Variants in ESRRG observed in about 807,000 individuals in gnomAD.
ESRRG encodes estrogen related receptor gamma.
ESRRG carries 13 observed loss-of-function variants against 44.0 expected under a neutral mutation model. The ratio of observed to expected loss-of-function variants is 0.30; its 90% CI spans 0.19 to 0.47. The LOEUF is 0.47. Among genes scored for constraint, ESRRG ranks in the 20% least tolerant of loss-of-function variants. The probability of loss-of-function intolerance (pLI) is 1.00; values close to 1 mark genes in which losing one functional copy is unlikely to be tolerated. For synonymous variants in ESRRG, 215 were observed against 214.6 expected, an observed-to-expected ratio of 1.00 and a Z score of -0.02; for missense variants, 395 against 580.6, an observed-to-expected ratio of 0.68 and a Z score of 3.29.
chr1:216,887,174 T>G (rs1254233789), intron 2 of ESRRG, among the ~76,000 whole-genome samples: 1 of 152,150 alleles, frequency 6.6e-6, no homozygotes, highest in Admixed American at 6.5e-5. Flanking sequence ...GCATACAGAG[T>G]AGAGTTTCCA....
chr1:216,958,040 C>T (rs2068302495), intron 1 of ESRRG, among the ~76,000 whole-genome samples: 1 of 17,792 alleles, frequency 5.6e-5, no homozygotes, highest in Non-Finnish European at 4.7e-4. Context: ...TAGTACGCAC[C>T]ACCATGTGTC....
At chr1:217,110,857 T>C (rs2092653877) in intron 1 of ESRRG, among the ~76,000 whole-genome samples, 1 of 152,196 alleles carries the variant, frequency 6.6e-6, no homozygotes, top group African/African-American at 2.4e-5. Flanking sequence ...CTTATTATAT[T>C]GCTGACCATA....
At chr1:216,895,082 CTT>C (rs1303160932) in intron 2 of ESRRG, among the ~76,000 whole-genome samples, 2 of 152,052 alleles carry the variant, frequency 1.3e-5, no homozygotes, top group Non-Finnish European at 2.9e-5. Flanking sequence ...CAGAAATATG[CTT>C]TTTTCTTTTT....
chr1:216,745,140 C>A (rs1318651239), intron 2 of ESRRG, among the ~76,000 whole-genome samples: 2 of 151,632 alleles, frequency 1.3e-5, no homozygotes, highest in Non-Finnish European at 2.9e-5. Context: ...TGTCTTTCAT[C>A]CTTTTTTTGT....
intron 1 of ESRRG, among the ~76,000 whole-genome samples, chr1:216,959,213 A>ATTCTAGAACAAGTTTTTAACGC (rs1191357833): frequency 6.6e-6 from 1 of 152,048 alleles, no homozygotes; most frequent in East Asian, 1.9e-4. Context: ...TGATTCCCAG[A>ATTCTAGAACAAGTTTTTAACGC]TCCTAGAACA....
intron 1 of ESRRG, among the ~76,000 whole-genome samples, chr1:217,027,828 C>T (rs910139123): frequency 1.3e-5 from 2 of 152,096 alleles, no homozygotes; most frequent in Admixed American, 6.5e-5. Context: ...TGCAGGACAA[C>T]ACTTGACCTT....
rs535591977 is a variant in ESRRG, at chr1:217,101,869, C to T, written c.-230+35798G>A. ...TTGCCCAGGCTGAAGGGCAATGATGCGATCTTGGCTCACCGCAACCTCTGC... is the reference window on the plus strand; with the variant it reads ...TTGCCCAGGCTGAAGGGCAATGATGTGATCTTGGCTCACCGCAACCTCTGC... On this transcript the variant is annotated intron_variant, in intron 1 of 8. Coordinates refer to the ESRRG transcript ENST00000366940. 1.8e-4 allele frequency among the ~76,000 whole-genome samples: 28 copies of T among 152,174 alleles called. 1 individual carries two copies. In the South Asian group the frequency reaches 4.6e-3, roughly 25 times the overall value.
At chr1:216,812,774 T>C (rs2095016136) in intron 2 of ESRRG, among the ~76,000 whole-genome samples, 1 of 152,184 alleles carries the variant, frequency 6.6e-6, no homozygotes, top group Admixed American at 6.5e-5. Flanking sequence ...ATATCCTTAC[T>C]GATGGTATAG....
At chr1:216,939,751 G>T (rs960911992) in intron 1 of ESRRG, 2 of 150,132 alleles carry the variant, frequency 1.3e-5, no homozygotes, top group Non-Finnish European at 1.5e-5. Flanking sequence ...CAATTTTCTC[G>T]GCCGCTGCAT....
At chr1:216,775,685 G>A (rs2093586002) in intron 2 of ESRRG, among the ~76,000 whole-genome samples, 1 of 148,256 alleles carries the variant, frequency 6.7e-6, no homozygotes, top group Non-Finnish European at 1.5e-5. Context: ...CCAAGTGGCT[G>A]GGACTATAGG....
At chr1:216,851,315 G>A (rs911635674) in intron 2 of ESRRG, among the ~76,000 whole-genome samples, 4 of 151,902 alleles carry the variant, frequency 2.6e-5, no homozygotes, top group Admixed American at 6.6e-5. Context: ...TTCTTGTTTC[G>A]GCATCTAAGT....
At chr1:217,104,847 C>G (rs1247467159) in intron 1 of ESRRG, among the ~76,000 whole-genome samples, 1 of 152,162 alleles carries the variant, frequency 6.6e-6, no homozygotes, top group African/African-American at 2.4e-5. Context: ...TTGATAAACT[C>G]TATGGTTTCA....
At chr1:216,731,762 C>T (rs1575862961) in intron 2 of ESRRG, among the ~76,000 whole-genome samples, 1 of 152,332 alleles carries the variant, frequency 6.6e-6, no homozygotes, top group East Asian at 1.9e-4. Flanking sequence ...GAGGCCTGTA[C>T]TCAGGACATT....
At chr1:216,700,812 G>A (rs1237290683) in intron 1 of ESRRG, among the ~76,000 whole-genome samples, 7 of 152,114 alleles carry the variant, frequency 4.6e-5, no homozygotes, top group South Asian at 2.1e-4. Flanking sequence ...TTTCATAGTC[G>A]TATTCTTACC....
chr1:217,123,248 A>G (rs2092845548), intron 1 of ESRRG, among the ~76,000 whole-genome samples: 1 of 152,148 alleles, frequency 6.6e-6, no homozygotes, highest in South Asian at 2.1e-4. Flanking sequence ...TATCATGCCT[A>G]AGGGGTCCTA....
chr1:216,930,463 T>G (rs1426386968), intron 2 of ESRRG, among the ~76,000 whole-genome samples: 1 of 152,176 alleles, frequency 6.6e-6, no homozygotes, highest in African/African-American at 2.4e-5. Context: ...TACATTCTAT[T>G]TATTCTGTGG....
At chr1:216,747,871 A>G (rs1245018168) in intron 2 of ESRRG, among the ~76,000 whole-genome samples, 2 of 152,214 alleles carry the variant, frequency 1.3e-5, no homozygotes, top group African/African-American at 4.8e-5. Flanking sequence ...AATAAAATCC[A>G]GTAGGTTTCC....
chr1:217,122,163 A>T (rs993668115), intron 1 of ESRRG, among the ~76,000 whole-genome samples: 1 of 152,200 alleles, frequency 6.6e-6, no homozygotes, highest in Non-Finnish European at 1.5e-5. Context: ...TTGGAGTTCC[A>T]TTTTTAAGGG....
chr1:216,562,555 T>C (rs565783498), intron 5 of ESRRG, among the ~76,000 whole-genome samples: 10 of 152,052 alleles, frequency 6.6e-5, no homozygotes, highest in African/African-American at 9.7e-5. Flanking sequence ...GACAGTTTTG[T>C]TTCTCACAAT....
Sources: allele counts gnomAD v4.1 joint callset (sites outside exome capture counted in the v4.1 genomes callset), GRCh38; gene constraint gnomAD v4.1.1; transcripts MANE v1.5; gene names NCBI Gene and HGNC (gene_info 2026-07-23, HGNC 2026-07-21).